SPIDR: variants seen among roughly 807,000 people sequenced by gnomAD.
SPIDR encodes DNA repair-scaffolding protein.
In SPIDR, 93 loss-of-function variants were observed where a neutral mutation model predicts 104.6. That is an observed-to-expected ratio of 0.89 (90% confidence interval 0.75 to 1.06). The LOEUF (loss-of-function observed/expected upper bound fraction) is 1.06. SPIDR is among the 50% of genes least tolerant of loss of function. The pLI is 0.00. For synonymous variants in SPIDR, 431 were observed against 416.9 expected, an observed-to-expected ratio of 1.03 and a Z score of -0.41; for missense variants, 1,154 against 1,111.2, an observed-to-expected ratio of 1.04 and a Z score of -0.55.
intron 8 of SPIDR, among the ~76,000 whole-genome samples, chr8:47,502,753 T>C (rs2080739603): frequency 6.6e-6 from 1 of 152,252 alleles, no homozygotes; most frequent in South Asian, 2.1e-4. Flanking sequence ...AGATCTTTCC[T>C]GCTTTCTCTT....
chr8:47,472,797 G>A (rs1299049098), intron 8 of SPIDR, among the ~76,000 whole-genome samples: 1 of 152,198 alleles, frequency 6.6e-6, no homozygotes, highest in Non-Finnish European at 1.5e-5. Context: ...TATAGTTAGA[G>A]CAATAAACTT....
At position 47,735,622 on chromosome 8, in the gene SPIDR, A is replaced by T; in HGVS notation, c.*172A>T. 7.9e-7 allele frequency: 1 copy of T among 1,270,154 alleles called. No individual in the cohort carries two copies. Among genetic ancestry groups the T allele is most frequent in the Non-Finnish European group, 1.1e-6 (1 of 940,540 alleles). The allele number at this position is 1,270,154 out of a possible 1,614,324, so 78.7% of individuals were successfully genotyped here. ...TTCAGATACAGTTTTGTGAACTGTA[A>T]ATCAAAATACCTTTTTCTACAGTTT... On this transcript the variant is annotated 3_prime_UTR_variant, in exon 20 of 20. Coordinates refer to ENST00000297423, the MANE Select transcript of SPIDR (RefSeq NM_001080394.4).
chr8:47,728,816 G>C (rs1392212640), intron 17 of SPIDR, 117 bp from the exon 18 acceptor site: 8 of 1,247,116 alleles, frequency 6.4e-6, no homozygotes, highest in African/African-American at 4.5e-5. Flanking sequence ...GATTCTGAGA[G>C]TAAAGCCCCG....
chr8:47,644,391 A>G (rs879048167), intron 10 of SPIDR, among the ~76,000 whole-genome samples: 7 of 152,226 alleles, frequency 4.6e-5, no homozygotes, highest in African/African-American at 1.7e-4. Flanking sequence ...CATGTGGCAC[A>G]TTCTGTGATG....
At chr8:47,590,660 G>C (rs1278044364) in intron 8 of SPIDR, among the ~76,000 whole-genome samples, 3 of 152,138 alleles carry the variant, frequency 2.0e-5, no homozygotes, top group African/African-American at 7.2e-5. Flanking sequence ...ATGTCAGCTA[G>C]AACCTGTTTA....
chr8:47,278,114 A>G (rs1554555683), intron 1 of SPIDR, among the ~76,000 whole-genome samples: 2 of 73,054 alleles, frequency 2.7e-5, no homozygotes, highest in Non-Finnish European at 6.0e-5. Context: ...TTTTTTTTTT[A>G]TTAATAGCCA....
At chr8:47,634,986 A>G (rs1305827613) in intron 10 of SPIDR, among the ~76,000 whole-genome samples, 1 of 152,168 alleles carries the variant, frequency 6.6e-6, no homozygotes, top group African/African-American at 2.4e-5. Flanking sequence ...ATCAAGTAAC[A>G]CTTTTCTTGA....
chr8:47,424,669 TAAAGAAA>T lies in SPIDR; in HGVS notation c.878-15647_878-15641del, dbSNP rs541192577. On this transcript the variant is annotated intron_variant, in intron 7 of 19. Transcript: ENST00000297423. ...CCTTCTTTGTTATACAGGAAGAGAG[TAAAGAAA>T]AAAGAAGAACCAGTGATAACAAAGA... 2.6e-5 allele frequency among the ~76,000 whole-genome samples: 4 copies of T among 152,040 alleles called. No individual in the cohort carries two copies. In the South Asian group the frequency reaches 8.3e-4, roughly 32 times the overall value.
At chr8:47,331,965 C>CTTTTTTTTTTTTTTT (rs1183447584) in intron 5 of SPIDR, among the ~76,000 whole-genome samples, 30 of 32,714 alleles carry the variant, frequency 9.2e-4, no homozygotes, top group Admixed American at 1.7e-3. Context: ...TTTTTTTAAA[C>CTTTTTTTTTTTTTTT]TTTTTTTTTT....
chr8:47,319,351 C>A (rs1471708654), intron 5 of SPIDR, among the ~76,000 whole-genome samples: 5 of 152,030 alleles, frequency 3.3e-5, no homozygotes, highest in African/African-American at 1.2e-4. Context: ...ACAAAGCAGG[C>A]CATTATGTAA....
intron 10 of SPIDR, among the ~76,000 whole-genome samples, chr8:47,658,098 GTTC>G (rs2073257448): frequency 6.6e-6 from 1 of 150,766 alleles, no homozygotes; most frequent in Non-Finnish European, 1.5e-5. Context: ...TTGAAAACGT[GTTC>G]CATGGGTAAA....
intron 5 of SPIDR, among the ~76,000 whole-genome samples, chr8:47,300,276 A>T (rs1554576330): frequency 0.47 from 72,133 of 151,992 alleles, 20,841 homozygotes; most frequent in African/African-American, 0.82. Context: ...TAGTTTGTAT[A>T]TCTGTGGGAT....
intron 11 of SPIDR, among the ~76,000 whole-genome samples, chr8:47,687,935 A>G (rs2078034579): frequency 6.6e-6 from 1 of 151,512 alleles, no homozygotes; most frequent in Non-Finnish European, 1.5e-5. Flanking sequence ...GGTGGTGCAC[A>G]CTTGTAGTCC....
chr8:47,403,617 A>G (rs1340807326), intron 6 of SPIDR, among the ~76,000 whole-genome samples: 3 of 152,202 alleles, frequency 2.0e-5, no homozygotes, highest in African/African-American at 7.2e-5. Flanking sequence ...TTCAAAAAGA[A>G]TAAAATACCT....
chr8:47,410,485 T>G (rs1409769434), intron 7 of SPIDR, among the ~76,000 whole-genome samples: 1 of 152,034 alleles, frequency 6.6e-6, no homozygotes, highest in Admixed American at 6.6e-5. Flanking sequence ...CCAGTCACTT[T>G]TTCTTCTATA....
At chr8:47,491,959 A>AG (rs2078790226) in intron 8 of SPIDR, among the ~76,000 whole-genome samples, 1 of 152,210 alleles carries the variant, frequency 6.6e-6, no homozygotes, top group South Asian at 2.1e-4. Flanking sequence ...AGAAGGAGCC[A>AG]GGCCCCAGAA....
intron 14 of SPIDR, among the ~76,000 whole-genome samples, chr8:47,702,281 C>T (rs2080399188): frequency 6.6e-6 from 1 of 152,150 alleles, no homozygotes. Flanking sequence ...AGACTACCAG[C>T]CACTGTGCTA....
At chr8:47,612,438 T>C (rs16928696) in intron 10 of SPIDR, among the ~76,000 whole-genome samples, 69,652 of 152,096 alleles carry the variant, frequency 0.46, 19,076 homozygotes, top group East Asian at 0.66. Context: ...CAGCTCATGG[T>C]TGCATCATTC....
At position 47,458,780 on chromosome 8, in the gene SPIDR, C is replaced by T. The variant is rs782056166; in HGVS notation, c.1097+18238C>T. Among the ~76,000 whole-genome samples the T allele has an allele frequency of 1.3e-4, 20 of 151,784 alleles. 1 individual carries two copies. The highest frequency in any genetic ancestry group is 3.4e-3 in the Middle Eastern group (1 of 292). ...TATTATGTTGGCTGTGGGTTTATTA[C>T]ATTGAGGTACATCCTTGTATGCTGA... On this transcript the variant is annotated intron_variant, in intron 8 of 19. Coordinates refer to ENST00000297423, the MANE Select transcript of SPIDR (RefSeq NM_001080394.4).
Sources: gnomAD v4.1 joint callset for allele counts (sites outside exome capture counted in the v4.1 genomes callset) on GRCh38, gnomAD v4.1.1 for gene constraint, MANE v1.5 for transcripts, NCBI Gene and HGNC (gene_info 2026-07-23, HGNC 2026-07-21) for gene names.